Variants in CLSTN2 observed in about 807,000 individuals in gnomAD.
CLSTN2 encodes calsyntenin 2, also known as calsyntenin-2.
CLSTN2 carries 48 observed loss-of-function variants against 101.2 expected under a neutral mutation model. That is an observed-to-expected ratio of 0.47 (90% CI 0.38 to 0.60). The LOEUF is 0.60. Ranked by LOEUF, CLSTN2 falls within the 20% of genes least tolerant of loss-of-function variation. The pLI is 0.00. For synonymous variants in CLSTN2, 481 were observed against 463.6 expected (o/e 1.04, Z -0.48); for missense variants, 1,160 against 1,238.2 (o/e 0.94, Z 0.95).
intron 1 of CLSTN2, among the ~76,000 whole-genome samples, chr3:139,941,475 C>T (rs1203767679): frequency 6.6e-6 from 1 of 152,190 alleles, no homozygotes; most frequent in Admixed American, 6.5e-5. Flanking sequence ...TTCCAATTAT[C>T]AAAGAGTTCA....
intron 16 of CLSTN2, among the ~76,000 whole-genome samples, chr3:140,565,519 G>C (rs1936008829): frequency 6.6e-6 from 1 of 152,218 alleles, no homozygotes; most frequent in East Asian, 1.9e-4. Flanking sequence ...TGAGCAGCAA[G>C]CATGGAAAGT....
At chr3:140,067,477 G>A (rs2008319027) in intron 1 of CLSTN2, among the ~76,000 whole-genome samples, 6 of 152,126 alleles carry the variant, frequency 3.9e-5, no homozygotes, top group Admixed American at 3.9e-4. Context: ...GAACCTACTT[G>A]GCACAAAGGC....
At position 140,379,220 on chromosome 3, in the gene CLSTN2, C is replaced by G. The variant is rs570309264; in HGVS notation, c.233-24409C>G. Among the ~76,000 whole-genome samples the G allele has an allele frequency of 4.6e-5, 7 of 152,346 alleles. No individual in the cohort carries two copies. The South Asian group carries it at 1.2e-3, about 27-fold the overall frequency. On this transcript the variant is annotated intron_variant, in intron 2 of 16. Transcript: ENST00000458420. ...GTTTGCCAGCAGGAGCTGAGACCAT[C>G]TCACTTAGGCCTGTTGTTTCTCTGC...
intron 1 of CLSTN2, among the ~76,000 whole-genome samples, chr3:139,972,152 T>C (rs1019305456): frequency 2.0e-5 from 3 of 151,966 alleles, no homozygotes; most frequent in Middle Eastern, 3.2e-3. Context: ...TAGTCCCAGC[T>C]ACTTGGGAGG....
intron 1 of CLSTN2, among the ~76,000 whole-genome samples, chr3:140,174,701 C>A (rs997581167): frequency 1.3e-5 from 2 of 152,166 alleles, no homozygotes; most frequent in African/African-American, 4.8e-5. Flanking sequence ...ACCATCAGAT[C>A]TTGTGAGACG....
intron 2 of CLSTN2, among the ~76,000 whole-genome samples, chr3:140,241,898 CACACACATAT>C (rs1576480887): frequency 3.3e-5 from 5 of 149,798 alleles, no homozygotes; most frequent in African/African-American, 9.9e-5. Context: ...CACACACACA[CACACACATAT>C]ATATATATAT....
intron 4 of CLSTN2, among the ~76,000 whole-genome samples, chr3:140,405,411 G>A (rs1458393026): frequency 6.6e-6 from 1 of 152,096 alleles, no homozygotes; most frequent in East Asian, 1.9e-4. Flanking sequence ...ATTTTTAGTG[G>A]AGATGGGGTT....
At chr3:140,448,907 A>G (rs1432871900) in intron 6 of CLSTN2, among the ~76,000 whole-genome samples, 2 of 152,164 alleles carry the variant, frequency 1.3e-5, no homozygotes, top group African/African-American at 2.4e-5. Context: ...CTCAGACTCC[A>G]TTTATTAGTT....
chr3:140,182,692 C>T (rs6798469), intron 2 of CLSTN2, among the ~76,000 whole-genome samples: 150,777 of 152,290 alleles, frequency 0.99, 74,649 homozygotes, highest in East Asian at 1. Context: ...AAAATCAGCT[C>T]CAGACCTATC....
chr3:140,239,784 T>C (rs1391934889), intron 2 of CLSTN2, among the ~76,000 whole-genome samples: 1 of 152,010 alleles, frequency 6.6e-6, no homozygotes, highest in Non-Finnish European at 1.5e-5. Flanking sequence ...AGGCCAGAGA[T>C]TGTGAAATGC....
intron 2 of CLSTN2, among the ~76,000 whole-genome samples, chr3:140,327,622 G>T (rs2087344688): frequency 6.6e-6 from 1 of 152,178 alleles, no homozygotes; most frequent in Admixed American, 6.5e-5. Context: ...CTCCTTTCAA[G>T]TGTTGGCTCC....
chr3:139,968,391 A>G (rs1327645403), intron 1 of CLSTN2, among the ~76,000 whole-genome samples: 2 of 152,230 alleles, frequency 1.3e-5, no homozygotes, highest in Non-Finnish European at 2.9e-5. Flanking sequence ...GATGATCCTC[A>G]TGGCTACCAC....
chr3:140,242,324 A>C (rs756440537), intron 2 of CLSTN2, among the ~76,000 whole-genome samples: 1 of 152,162 alleles, frequency 6.6e-6, no homozygotes, highest in Non-Finnish European at 1.5e-5. Context: ...ATACATCCCC[A>C]ATACTTCCCA....
At chr3:140,011,220 C>T (rs957197355) in intron 1 of CLSTN2, among the ~76,000 whole-genome samples, 2 of 152,160 alleles carry the variant, frequency 1.3e-5, no homozygotes, top group Non-Finnish European at 2.9e-5. Flanking sequence ...GTCTATAATC[C>T]TTGACTGGCA....
intron 2 of CLSTN2, among the ~76,000 whole-genome samples, chr3:140,305,569 AG>A (rs2087106109): frequency 6.6e-6 from 1 of 152,178 alleles, no homozygotes; most frequent in Non-Finnish European, 1.5e-5. Flanking sequence ...TTTGGTACCA[AG>A]AAGAACCCTG....
At chr3:140,430,449 T>A (rs1242926024) in intron 5 of CLSTN2, among the ~76,000 whole-genome samples, 2 of 152,222 alleles carry the variant, frequency 1.3e-5, no homozygotes, top group Non-Finnish European at 2.9e-5. Context: ...TAAAATTATA[T>A]GAAGTTTTAT....
At chr3:140,408,494 C>T (rs535845898) in intron 4 of CLSTN2, among the ~76,000 whole-genome samples, 1 of 152,312 alleles carries the variant, frequency 6.6e-6, no homozygotes, top group Admixed American at 6.5e-5. Context: ...ACCACAAACC[C>T]CTGACTGGCT....
intron 2 of CLSTN2, among the ~76,000 whole-genome samples, chr3:140,328,619 A>G (rs1326399317): frequency 6.6e-6 from 1 of 152,146 alleles, no homozygotes; most frequent in East Asian, 1.9e-4. Context: ...CTGTTGAAAC[A>G]TGAGATATGG....
rs141174458 is a variant in CLSTN2 at position 140,134,470 on chromosome 3, C to T, written c.110-41481C>T. The stretch of plus-strand genomic sequence containing the variant: ...TGGCCTCCTGGGAAGAGCAACCATG[C>T]GTGGGGCTCATAAGGCCCTCCAAGC... On this transcript the variant is annotated intron_variant, in intron 1 of 16. Coordinates refer to ENST00000458420, the MANE Select transcript of CLSTN2 (RefSeq NM_022131.3). 2.6e-3 allele frequency among the ~76,000 whole-genome samples: 391 copies of T among 152,218 alleles called. 3 individuals carry two copies. The highest frequency in any genetic ancestry group is 8.8e-3 in the African/African-American group (365 of 41,544).
Sources: allele counts gnomAD v4.1 joint callset (sites outside exome capture counted in the v4.1 genomes callset), GRCh38; gene constraint gnomAD v4.1.1; transcripts MANE v1.5; gene names NCBI Gene and HGNC (gene_info 2026-07-23, HGNC 2026-07-21).